ROBO1: variants seen among roughly 807,000 people sequenced by gnomAD.
ROBO1 encodes roundabout guidance receptor 1, also known as roundabout homolog 1.
In ROBO1, 149 loss-of-function variants were observed where a neutral mutation model predicts 195.9. The ratio of observed to expected loss-of-function variants is 0.76; its 90% CI spans 0.67 to 0.87. The LOEUF (loss-of-function observed/expected upper bound fraction) is 0.87, where lower values mean the gene tolerates loss of function less well. Among genes scored for constraint, ROBO1 ranks in the 40% least tolerant of loss-of-function variants. The pLI is 0.00. For missense variants in ROBO1, 1,933 were observed against 2,068.3 expected (o/e 0.93, Z 1.27); for synonymous variants, 816 against 733.2 (o/e 1.11, Z -1.82).
At chr3:79,626,086 C>G (rs1240988596) in intron 1 of ROBO1, among the ~76,000 whole-genome samples, 1 of 152,168 alleles carries the variant, frequency 6.6e-6, no homozygotes, top group Non-Finnish European at 1.5e-5. Flanking sequence ...GAACCAAAGA[C>G]AGAAACCACA....
intron 2 of ROBO1, among the ~76,000 whole-genome samples, chr3:79,368,194 A>C (rs1304063410): frequency 6.6e-6 from 1 of 152,040 alleles, no homozygotes; most frequent in Admixed American, 6.6e-5. Context: ...CGGCCTCCCA[A>C]AGTGTTGGGA....
chr3:79,260,151 GTC>G (rs1354079871), intron 2 of ROBO1, among the ~76,000 whole-genome samples: 2 of 151,246 alleles, frequency 1.3e-5, no homozygotes, highest in Non-Finnish European at 2.9e-5. Context: ...GTTATTGAAA[GTC>G]AGCTAATTGA....
In ROBO1 at chr3:79,560,535, T is replaced by TTATATATATATATATATATATA. The variant is rs549034591; in HGVS notation, c.88+29267_88+29288dup. Among the ~76,000 whole-genome samples, 673 of 114,700 alleles carry TTATATATATATATATATATATA rather than the reference T, an allele frequency of 5.9e-3. 12 individuals carry two copies. Among genetic ancestry groups the TTATATATATATATATATATATA allele is most frequent in the African/African-American group, 8.6e-3 (217 of 25,260 alleles). 75.2% of individuals were successfully genotyped at this position (114,700 alleles called of 152,430 possible). A position where few individuals can be genotyped will look rare whatever the true frequency, so the allele number is the denominator to read the frequency against. On this transcript the variant is annotated intron_variant, in intron 2 of 30. Coordinates refer to ENST00000464233, the MANE Select transcript of ROBO1 (RefSeq NM_002941.4). ...AAAACTTAAAGTATAATAATAATAA[T>TTATATATATATATATATATATA]TATATATATATATATATATATATAC...
rs184984630 is a variant in ROBO1 at position 79,513,115 on chromosome 3, G to A, written c.88+76709C>T. On this transcript the variant is annotated intron_variant, in intron 2 of 30. Transcript: ENST00000464233. ...AAAACCCCATGGAAGATAACAAATA[G>A]CCAAAAGGAAATATCAGCAAACAAA... Among the ~76,000 whole-genome samples the A allele has an allele frequency of 1.1e-4, 16 of 152,124 alleles. No homozygotes were observed. In the East Asian group the frequency reaches 3.1e-3, roughly 29 times the overall value.
intron 1 of ROBO1, among the ~76,000 whole-genome samples, chr3:79,631,106 T>C (rs1945327549): frequency 1.3e-5 from 2 of 151,884 alleles, no homozygotes; most frequent in African/African-American, 2.4e-5. Context: ...GAAAATCTTA[T>C]CAAATTACCA....
At chr3:79,317,540 T>C (rs1250039923) in intron 2 of ROBO1, among the ~76,000 whole-genome samples, 1 of 152,228 alleles carries the variant, frequency 6.6e-6, no homozygotes, top group Non-Finnish European at 1.5e-5. Flanking sequence ...AAATATTTTT[T>C]ATTTATTTGG....
At chr3:78,835,781 C>A (rs1447733994) in intron 4 of ROBO1, among the ~76,000 whole-genome samples, 2 of 152,130 alleles carry the variant, frequency 1.3e-5, no homozygotes, top group East Asian at 1.9e-4. Context: ...CATTTTACAG[C>A]CATAGTCATA....
At chr3:79,225,458 CGT>C (rs2082210948) in intron 2 of ROBO1, among the ~76,000 whole-genome samples, 1 of 152,250 alleles carries the variant, frequency 6.6e-6, no homozygotes, top group South Asian at 2.1e-4. Flanking sequence ...ACACATTTGC[CGT>C]GTGTTTAGAA....
intron 2 of ROBO1, among the ~76,000 whole-genome samples, chr3:79,293,031 T>A (rs535712158): frequency 5.6e-4 from 86 of 152,348 alleles, no homozygotes; most frequent in African/African-American, 2.0e-3. Flanking sequence ...TGGTAGGCTA[T>A]TAATTACAAC....
At chr3:79,133,425 T>G (rs1373291409) in intron 2 of ROBO1, among the ~76,000 whole-genome samples, 3 of 128,488 alleles carry the variant, frequency 2.3e-5, no homozygotes, top group Admixed American at 8.4e-5. Flanking sequence ...TCGCTTCATT[T>G]CATTCATTTC....
intron 2 of ROBO1, among the ~76,000 whole-genome samples, chr3:79,243,293 T>C (rs193104943): frequency 0.028 from 4,260 of 152,234 alleles, 99 homozygotes; most frequent in Non-Finnish European, 0.038. Flanking sequence ...GCTATAAACA[T>C]ACGTGTGCAT....
chr3:79,171,717 A>G (rs540255600), intron 2 of ROBO1, among the ~76,000 whole-genome samples: 1 of 152,238 alleles, frequency 6.6e-6, no homozygotes, highest in South Asian at 2.1e-4. Context: ...AAAAAAATCA[A>G]CTAACTTTCA....
At chr3:79,294,983 T>C (rs2032499123) in intron 2 of ROBO1, among the ~76,000 whole-genome samples, 2 of 152,126 alleles carry the variant, frequency 1.3e-5, no homozygotes, top group South Asian at 2.1e-4. Context: ...AATAGGAACG[T>C]TTTTACACTG....
intron 4 of ROBO1, among the ~76,000 whole-genome samples, chr3:78,936,343 T>C (rs759338104): frequency 7.9e-5 from 12 of 152,088 alleles, no homozygotes; most frequent in Admixed American, 1.3e-4. Context: ...AACTGCGCTA[T>C]GAAACCTGTG....
chr3:79,560,530 A>T (rs1942874089), intron 2 of ROBO1, among the ~76,000 whole-genome samples: 1 of 94,140 alleles, frequency 1.1e-5, no homozygotes, highest in South Asian at 3.2e-4. Flanking sequence ...GTATAATAAT[A>T]ATAATTATAT....
intron 4 of ROBO1, among the ~76,000 whole-genome samples, chr3:78,930,953 T>G (rs1170717132): frequency 6.6e-6 from 1 of 152,138 alleles, no homozygotes; most frequent in African/African-American, 2.4e-5. Context: ...CTGACTAAAT[T>G]CCTTCCTGGC....
chr3:79,627,235 A>G (rs1945206716), intron 1 of ROBO1, among the ~76,000 whole-genome samples: 1 of 152,194 alleles, frequency 6.6e-6, no homozygotes. Context: ...GCATCACACT[A>G]CCTGACCTCA....
intron 10 of ROBO1, among the ~76,000 whole-genome samples, chr3:78,680,755 C>T (rs1029391489): frequency 2.7e-5 from 4 of 145,904 alleles, no homozygotes; most frequent in African/African-American, 1.0e-4. Context: ...CTAGTTCAAC[C>T]ATTGTGGAAG....
chr3:79,207,457 G>A (rs1030482745), intron 2 of ROBO1, among the ~76,000 whole-genome samples: 1 of 151,994 alleles, frequency 6.6e-6, no homozygotes, highest in Non-Finnish European at 1.5e-5. Context: ...AGTCGTAATC[G>A]ATTGGACTGG....
Sources: allele counts gnomAD v4.1 joint callset (sites outside exome capture counted in the v4.1 genomes callset), GRCh38; gene constraint gnomAD v4.1.1; transcripts MANE v1.5; gene names NCBI Gene and HGNC (gene_info 2026-07-23, HGNC 2026-07-21).